Variants in GPR141 observed in about 807,000 individuals in gnomAD.
GPR141 encodes the protein G protein-coupled receptor 141.
GPR141 carries 6 observed loss-of-function variants against 6.8 expected under a neutral mutation model. That is an observed-to-expected ratio of 0.88 (90% confidence interval 0.48 to 1.74). GPR141 has a LOEUF of 1.74. Among genes scored for constraint, GPR141 ranks in the 40% most tolerant of loss-of-function variants. GPR141 has a pLI of 0.01. For missense variants in GPR141, 372 were observed against 372.9 expected, an observed-to-expected ratio of 1.00 and a Z score of 0.02; for synonymous variants, 140 against 142.3, an observed-to-expected ratio of 0.98 and a Z score of 0.11.
chr7:37,691,200 T>G (rs1187611452), intron 2 of GPR141, among the ~76,000 whole-genome samples: 2 of 151,850 alleles, frequency 1.3e-5, no homozygotes, highest in East Asian at 3.8e-4. Flanking sequence ...CTATCTGTAT[T>G]ATTACAGGTG....
At chr7:37,716,111 T>C (rs188605987) in intron 2 of GPR141, among the ~76,000 whole-genome samples, 9 of 152,272 alleles carry the variant, frequency 5.9e-5, no homozygotes, top group Admixed American at 2.0e-4. Context: ...CAGACAGACA[T>C]GGGAGTCTGG....
intron 2 of GPR141, among the ~76,000 whole-genome samples, chr7:37,729,133 A>C (rs1020772729): frequency 1.3e-5 from 2 of 152,166 alleles, no homozygotes; most frequent in African/African-American, 4.8e-5. Flanking sequence ...ATAGAAGCTG[A>C]GGCCAGCTTG....
intron 2 of GPR141, among the ~76,000 whole-genome samples, chr7:37,730,530 C>T (rs1811876094): frequency 6.6e-6 from 1 of 152,232 alleles, no homozygotes; most frequent in South Asian, 2.1e-4. Flanking sequence ...CTGCATATTT[C>T]TTACCTGCAA....
At chr7:37,704,852 T>G (rs946285822) in intron 2 of GPR141, among the ~76,000 whole-genome samples, 2 of 152,226 alleles carry the variant, frequency 1.3e-5, no homozygotes, top group Non-Finnish European at 2.9e-5. Flanking sequence ...ACTAAGACTT[T>G]CTACTTATTT....
intron 2 of GPR141, among the ~76,000 whole-genome samples, chr7:37,715,715 G>A (rs1811016395): frequency 6.6e-6 from 1 of 152,102 alleles, no homozygotes; most frequent in South Asian, 2.1e-4. Context: ...TTAAAACACT[G>A]TTCTTCTACC....
intron 2 of GPR141, among the ~76,000 whole-genome samples, chr7:37,688,112 T>C (rs1809591865): frequency 6.6e-6 from 1 of 152,152 alleles, no homozygotes; most frequent in Admixed American, 6.5e-5. Context: ...CCATGAACTA[T>C]ATTGAATGCT....
At chr7:37,737,673 G>A (rs1812311398) in intron 2 of GPR141, among the ~76,000 whole-genome samples, 1 of 151,988 alleles carries the variant, frequency 6.6e-6, no homozygotes, top group South Asian at 2.1e-4. Flanking sequence ...GCCCAGGGAA[G>A]CCAAAAGATT....
At chr7:37,684,609 A>G (rs1809418562) in intron 1 of GPR141, among the ~76,000 whole-genome samples, 1 of 152,228 alleles carries the variant, frequency 6.6e-6, no homozygotes, top group African/African-American at 2.4e-5. Flanking sequence ...AATATGTGGA[A>G]TGAAATATAA....
intron 2 of GPR141, among the ~76,000 whole-genome samples, chr7:37,704,195 G>T (rs1443885925): frequency 6.6e-6 from 1 of 151,884 alleles, no homozygotes; most frequent in Non-Finnish European, 1.5e-5. Flanking sequence ...GCTAAAACTA[G>T]GACAAGTAAG....
At chr7:37,730,120 T>C (rs1811846165) in intron 2 of GPR141, 1 of 152,232 alleles carries the variant, frequency 6.6e-6, no homozygotes, top group Non-Finnish European at 1.5e-5. Flanking sequence ...CTTCATCTTC[T>C]TCTCTTCTTT....
At chr7:37,700,594 A>G (rs370564603) in intron 2 of GPR141, among the ~76,000 whole-genome samples, 42 of 152,320 alleles carry the variant, frequency 2.8e-4, no homozygotes, top group African/African-American at 9.9e-4. Flanking sequence ...TAAATGTGGA[A>G]AACAAATACA....
intron 2 of GPR141, among the ~76,000 whole-genome samples, chr7:37,698,573 A>G (rs993950159): frequency 2.6e-5 from 4 of 152,176 alleles, no homozygotes; most frequent in Non-Finnish European, 5.9e-5. Context: ...TTTGCTATGT[A>G]TTGGATGCTG....
In GPR141 at chr7:37,743,285, T is replaced by A. The variant is rs1812659442; in HGVS notation, c.*1974T>A. 5.3e-5 allele frequency among the ~76,000 whole-genome samples: 8 copies of A among 152,334 alleles called. No homozygotes were observed. In the South Asian group the frequency reaches 1.7e-3, roughly 32 times the overall value. ...TAAGAAATACCTCTGTGAATTTCTG[T>A]GACCACTAAAATTACTGAGCCACAG... On this transcript the variant is annotated 3_prime_UTR_variant, in exon 3 of 3. Coordinates refer to ENST00000334425, the MANE Select transcript of GPR141 (RefSeq NM_001381946.1).
At chr7:37,693,731 A>G (rs191197089) in intron 2 of GPR141, among the ~76,000 whole-genome samples, 140 of 152,254 alleles carry the variant, frequency 9.2e-4, no homozygotes, top group Admixed American at 1.5e-3. Context: ...CTCCCTGGGA[A>G]GAGGGGTATC....
chr7:37,732,725 T>A (rs1308855392), intron 2 of GPR141, among the ~76,000 whole-genome samples: 1 of 151,724 alleles, frequency 6.6e-6, no homozygotes. Flanking sequence ...CACCAAGGAG[T>A]CTCAGTAATA....
intron 2 of GPR141, among the ~76,000 whole-genome samples, chr7:37,710,264 A>T (rs1291807222): frequency 6.6e-6 from 1 of 151,984 alleles, no homozygotes; most frequent in Admixed American, 6.6e-5. Context: ...TATTATGGAA[A>T]ATTTGAAATC....
At chr7:37,699,699 A>G (rs749909662) in intron 2 of GPR141, among the ~76,000 whole-genome samples, 3 of 152,262 alleles carry the variant, frequency 2.0e-5, no homozygotes, top group Non-Finnish European at 4.4e-5. Context: ...AAGATCCCAA[A>G]TGAACTTGGA....
At chr7:37,724,510 A>G (rs1811526438) in intron 2 of GPR141, among the ~76,000 whole-genome samples, 1 of 152,168 alleles carries the variant, frequency 6.6e-6, no homozygotes, top group Admixed American at 6.5e-5. Context: ...ACTGCTTCAG[A>G]TATTTTCAGA....
chr7:37,722,928 TTCCTTCC>T (rs1811412706), intron 2 of GPR141, among the ~76,000 whole-genome samples: 2 of 43,850 alleles, frequency 4.6e-5, no homozygotes, highest in Non-Finnish European at 9.5e-5. Context: ...TTTCCTTTCC[TTCCTTCC>T]TTCCTTCCTT....
Sources: gnomAD v4.1 joint callset for allele counts (sites outside exome capture counted in the v4.1 genomes callset) on GRCh38, gnomAD v4.1.1 for gene constraint, MANE v1.5 for transcripts, NCBI Gene and HGNC (gene_info 2026-07-23, HGNC 2026-07-21) for gene names.